The following SEPSECS variants were observed in gnomAD, a reference collection of about 807,000 sequenced individuals.
SEPSECS encodes the protein Sep (O-phosphoserine) tRNA:Sec (selenocysteine) tRNA synthase.
Under a neutral mutation model 52.1 loss-of-function variants are expected in SEPSECS, and 42 were observed. That is an observed-to-expected ratio of 0.81 (90% CI 0.63 to 1.04). The LOEUF (loss-of-function observed/expected upper bound fraction) is 1.04. Among genes scored for constraint, SEPSECS ranks in the 50% least tolerant of loss-of-function variants. SEPSECS has a pLI of 0.00. For missense variants in SEPSECS, 590 were observed against 610.6 expected, an observed-to-expected ratio of 0.97 and a Z score of 0.36; for synonymous variants, 216 against 211.4, an observed-to-expected ratio of 1.02 and a Z score of -0.19.
At chr4:25,144,963 T>C (rs1711870209) in intron 7 of SEPSECS, 41 bp downstream of exon 7, 2 of 1,612,614 alleles carry the variant, frequency 1.2e-6, no homozygotes, top group Non-Finnish European at 1.7e-6. Context: ...TGGATTTTTG[T>C]TTGTTAGCTA....
At chr4:25,140,490 C>T (rs1345406253) in intron 8 of SEPSECS, among the ~76,000 whole-genome samples, 1 of 152,108 alleles carries the variant, frequency 6.6e-6, no homozygotes, top group Non-Finnish European at 1.5e-5. Context: ...ACCCAATTGC[C>T]TAGATTTCGG....
Position 25,151,309 on chromosome 4 carries a change from C to T in SEPSECS, c.804+651G>A, listed in dbSNP as rs182630710. Among the ~76,000 whole-genome samples, 6 of 151,966 alleles carry T rather than the reference C, an allele frequency of 3.9e-5. No homozygotes were observed. The East Asian group carries it at 5.8e-4, about 15-fold the overall frequency. On this transcript the variant is annotated intron_variant, in intron 6 of 10. Coordinates refer to ENST00000382103, the MANE Select transcript of SEPSECS (RefSeq NM_016955.4). ...GAGCAAAGGCCTGGAAGTGCAGGCA[C>T]GTGACAAAATGGAAAAAAAGTAAGG...
intron 8 of SEPSECS, among the ~76,000 whole-genome samples, chr4:25,142,323 A>G (rs1457241791): frequency 1.3e-5 from 2 of 151,664 alleles, no homozygotes; most frequent in African/African-American, 4.8e-5. Context: ...TAATCACTAT[A>G]TTTAAAAATC....
intron 8 of SEPSECS, among the ~76,000 whole-genome samples, chr4:25,130,064 A>G (rs554178687): frequency 4.6e-5 from 7 of 152,324 alleles, no homozygotes; most frequent in African/African-American, 1.7e-4. Context: ...ACAGAGCCCT[A>G]CCTCCTACAA....
Position 25,155,201 on chromosome 4 carries a change from G to A in SEPSECS, c.548-50C>T, listed in dbSNP as rs766173076. 1.6e-5 allele frequency: 25 copies of A among 1,587,994 alleles called. No individual in the cohort carries two copies. The South Asian group carries it at 2.5e-4, about 16-fold the overall frequency. The stretch of plus-strand genomic sequence containing the variant: ...AATGTTAGTGTGAACTAAAATAAGG[G>A]AAGATCCTGAAACTCTAGGAAGCAT... On this transcript the variant is annotated intron_variant, in intron 4 of 10. Coordinates refer to ENST00000382103, the MANE Select transcript of SEPSECS (RefSeq NM_016955.4).
intron 6 of SEPSECS, among the ~76,000 whole-genome samples, chr4:25,148,928 T>C (rs1712149773): frequency 6.6e-6 from 1 of 152,226 alleles, no homozygotes; most frequent in South Asian, 2.1e-4. Context: ...TTTAAAAGTT[T>C]ATTCATCCAT....
rs1041635342 is a variant in SEPSECS at position 25,120,959 on chromosome 4, T to C, written c.*2972A>G. On this transcript the variant is annotated 3_prime_UTR_variant, in exon 11 of 11. Transcript: ENST00000382103. ...TCTGTAGCCCAGTCCTCAATAACAG[T>C]TCTTATTATGAGGTGGTTAAAGACA... The C allele has an allele frequency of 2.6e-5, 4 of 152,116 alleles. No homozygotes were observed. Among genetic ancestry groups the C allele is most frequent in the African/African-American group, 9.7e-5 (4 of 41,444 alleles). The allele number at this position is 152,116 out of a possible 1,614,324, so 9.4% of individuals were successfully genotyped here.
intron 5 of SEPSECS, among the ~76,000 whole-genome samples, chr4:25,152,742 A>G (rs1009822761): frequency 1.3e-5 from 2 of 151,990 alleles, no homozygotes; most frequent in East Asian, 3.8e-4. Context: ...AATTTCAGTG[A>G]CAGCATAATA....
Position 25,124,172 on chromosome 4 carries a change from A to G in SEPSECS, c.1265T>C (p.Phe422Ser), listed in dbSNP as rs775385027. Residue 422 changes from phenylalanine to serine, a missense_variant, in exon 11 of 11, where the codon TTT (phenylalanine) becomes TCT (serine). Phe to Ser is a radical substitution (Grantham distance 155, BLOSUM62 -2). Transcript: ENST00000382103. The part of the protein sequence containing the change: ...QTVSGYTFRG[F>S]MSHTNNYPCA... ...AGGGTAATTATTTGTATGTGACATA[A>G]AGCCTCTGAAAGTATAGCCACTCAC... The G allele has an allele frequency of 2.5e-6, 4 of 1,613,572 alleles. No individual in the cohort carries two copies. The African/African-American group carries it at 5.3e-5, about 22-fold the overall frequency.
chr4:25,127,174 T>C (rs1019394355), intron 9 of SEPSECS, 90 bp downstream of exon 9: 6 of 788,408 alleles, frequency 7.6e-6, no homozygotes, highest in Non-Finnish European at 8.5e-6. Flanking sequence ...TCATTATAAC[T>C]AGAAAGAGTT....
intron 5 of SEPSECS, among the ~76,000 whole-genome samples, chr4:25,153,355 C>G (rs1309177722): frequency 6.6e-6 from 1 of 150,852 alleles, no homozygotes; most frequent in Non-Finnish European, 1.5e-5. Flanking sequence ...ACATTAAGCT[C>G]TATTTTTAAA....
At chr4:25,149,464 C>T (rs932376125) in intron 6 of SEPSECS, among the ~76,000 whole-genome samples, 1 of 151,972 alleles carries the variant, frequency 6.6e-6, no homozygotes, top group Non-Finnish European at 1.5e-5. Flanking sequence ...TTTATAGCAT[C>T]TGAAGGGTAC....
At chr4:25,150,702 A>G (rs952362583) in intron 6 of SEPSECS, among the ~76,000 whole-genome samples, 1 of 152,162 alleles carries the variant, frequency 6.6e-6, no homozygotes, top group Non-Finnish European at 1.5e-5. Context: ...AAGCAAAAAG[A>G]AGGATAGAAA....
At chr4:25,157,679 G>C (rs1164201240) in intron 2 of SEPSECS, among the ~76,000 whole-genome samples, 1 of 151,866 alleles carries the variant, frequency 6.6e-6, no homozygotes, top group African/African-American at 2.4e-5. Flanking sequence ...CGTGTAGCTG[G>C]GACTACAGGC....
chr4:25,156,426 C>G (rs934132345), intron 3 of SEPSECS, among the ~76,000 whole-genome samples: 3 of 151,470 alleles, frequency 2.0e-5, no homozygotes, highest in African/African-American at 7.3e-5. Context: ...TCTTTTCGGC[C>G]GGGCGCGGTG....
intron 2 of SEPSECS, 63 bp downstream of exon 2, chr4:25,158,890 G>A: frequency 1.4e-6 from 2 of 1,427,302 alleles, no homozygotes; most frequent in Non-Finnish European, 2.0e-6. Flanking sequence ...AAATACTGCT[G>A]CCATTATTTT....
chr4:25,160,430 A>G lies in SEPSECS; in HGVS notation c.-61T>C. 1 of 1,394,340 alleles carries G rather than the reference A, an allele frequency of 7.2e-7. No individual in the cohort carries two copies. The highest frequency in any genetic ancestry group is 9.9e-7 in the Non-Finnish European group (1 of 1,014,696). The allele number at this position is 1,394,340 out of a possible 1,614,324, so 86.4% of individuals were successfully genotyped here. A position where few individuals can be genotyped will look rare whatever the true frequency, so the allele number is the denominator to read the frequency against. On this transcript the variant is annotated 5_prime_UTR_variant, in exon 1 of 11. Transcript: ENST00000382103. ...ACTAGCTCCACACGCCAGACACACG[A>G]CGGAACCAGAATGCAACTCGCCGCC...
intron 6 of SEPSECS, among the ~76,000 whole-genome samples, chr4:25,149,505 C>T (rs975365833): frequency 1.3e-5 from 2 of 152,042 alleles, no homozygotes; most frequent in Admixed American, 6.5e-5. Flanking sequence ...ATTAAATGTA[C>T]ACAATGAATA....
chr4:25,130,751 TA>T (rs1316244057), intron 8 of SEPSECS, among the ~76,000 whole-genome samples: 5 of 152,142 alleles, frequency 3.3e-5, no homozygotes, highest in Non-Finnish European at 7.4e-5. Context: ...ATTTTAAAAA[TA>T]TCGTTTAGGA....
Sources: allele counts gnomAD v4.1 joint callset (sites outside exome capture counted in the v4.1 genomes callset), GRCh38; gene constraint gnomAD v4.1.1; transcripts MANE v1.5; gene names NCBI Gene and HGNC (gene_info 2026-07-23, HGNC 2026-07-21).